Variants in SLC22A9 observed in about 807,000 individuals in gnomAD.
SLC22A9 encodes organic anion transporter 7.
A neutral mutation model predicts 50.1 loss-of-function variants in SLC22A9; 64 were observed. The observed-to-expected ratio is 1.28, with a 90% CI of 1.04 to 1.57. SLC22A9 has a LOEUF of 1.57. Ranked by LOEUF, SLC22A9 falls within the 40% of genes most tolerant of loss-of-function variation. The pLI, the probability that SLC22A9 is intolerant of heterozygous loss-of-function variation, is 0.00. For missense variants in SLC22A9, 757 were observed against 676.1 expected (o/e 1.12, Z -1.33); for synonymous variants, 261 against 242.5 (o/e 1.08, Z -0.71).
At chr11:63,406,763 G>A (rs1391866091) in intron 7 of SLC22A9, 52 bp downstream of exon 7, 9 of 1,569,842 alleles carry the variant, frequency 5.7e-6, no homozygotes, top group South Asian at 1.2e-5. Context: ...TCTTTTCTCA[G>A]GGATTGTACT....
intron 6 of SLC22A9, among the ~76,000 whole-genome samples, chr11:63,384,003 C>T (rs192175613): frequency 1.4e-3 from 208 of 150,106 alleles, no homozygotes; most frequent in African/African-American, 5.0e-3. Flanking sequence ...GAGCTGAGAT[C>T]GTGCCACTGC....
intron 6 of SLC22A9, among the ~76,000 whole-genome samples, chr11:63,386,935 G>A (rs1386821299): frequency 6.6e-6 from 1 of 151,798 alleles, no homozygotes; most frequent in Non-Finnish European, 1.5e-5. Context: ...TCTTCTGCTA[G>A]CTTTGGGGTT....
chr11:63,390,041 A>G (rs1424264008), intron 6 of SLC22A9, among the ~76,000 whole-genome samples: 1 of 151,932 alleles, frequency 6.6e-6, no homozygotes, highest in Non-Finnish European at 1.5e-5. Context: ...TTTCTGGTAA[A>G]TTTGTTTAAG....
intron 2 of SLC22A9, among the ~76,000 whole-genome samples, chr11:63,371,729 T>C (rs2014363299): frequency 6.6e-6 from 1 of 152,116 alleles, no homozygotes; most frequent in Non-Finnish European, 1.5e-5. Context: ...TGTTGAAAAA[T>C]TATGTGTAGA....
At chr11:63,392,515 T>TC (rs1186107118) in intron 6 of SLC22A9, among the ~76,000 whole-genome samples, 2 of 152,104 alleles carry the variant, frequency 1.3e-5, no homozygotes, top group East Asian at 3.9e-4. Flanking sequence ...GGTTTTTTTT[T>TC]CCCCCTTCAG....
intron 2 of SLC22A9, among the ~76,000 whole-genome samples, chr11:63,372,884 C>T (rs1215590097): frequency 6.6e-6 from 1 of 151,988 alleles, no homozygotes; most frequent in Non-Finnish European, 1.5e-5. Context: ...TTATGGATTC[C>T]TTAAAATTTC....
chr11:63,388,902 G>A (rs1468923577), intron 6 of SLC22A9, among the ~76,000 whole-genome samples: 1 of 151,790 alleles, frequency 6.6e-6, no homozygotes, highest in Non-Finnish European at 1.5e-5. Flanking sequence ...TTCAACCTTG[G>A]TATGCTATTC....
chr11:63,370,403 G>C lies in SLC22A9; in HGVS notation c.347G>C (p.Cys116Ser). The C allele has an allele frequency of 6.2e-7, 1 of 1,612,192 alleles. No individual in the cohort carries two copies. Among genetic ancestry groups the C allele is most frequent in the South Asian group, 1.1e-5 (1 of 90,700 alleles). ...ACAAGTGACGCAGACATGGAGCCCT[G>C]TGTGGATGGCTGGGTGTATGACAGA... ...PNTSDADMEPCVDGWVYDRIS... is the reference protein window; with the variant it reads ...PNTSDADMEPSVDGWVYDRIS... Residue 116 changes from cysteine to serine, a missense_variant, in exon 1 of 10, where the codon TGT becomes TCT. Transcript: ENST00000279178.
At chr11:63,383,650 G>T (rs1388379990) in intron 6 of SLC22A9, among the ~76,000 whole-genome samples, 1 of 151,908 alleles carries the variant, frequency 6.6e-6, no homozygotes, top group South Asian at 2.1e-4. Context: ...TGACTCAAAA[G>T]GGAACAAAAA....
At chr11:63,376,191 A>T (rs577160756) in intron 5 of SLC22A9, among the ~76,000 whole-genome samples, 1 of 152,270 alleles carries the variant, frequency 6.6e-6, no homozygotes, top group African/African-American at 2.4e-5. Flanking sequence ...TGTTCATTCA[A>T]TCATACATTC....
chr11:63,389,275 A>ATCTAGG lies in SLC22A9; in HGVS notation c.1073+7000_1073+7005dup, dbSNP rs539720489. On this transcript the variant is annotated intron_variant, in intron 6 of 9. Transcript: ENST00000279178. ...GGTTTGCTGCACCTATCAACCCGTC[A>ATCTAGG]TCTAGGTTTTAAGCCCCACATGCAT... 6.1e-3 allele frequency among the ~76,000 whole-genome samples: 923 copies of ATCTAGG among 151,974 alleles called. 10 individuals are homozygous for ATCTAGG. The highest frequency in any genetic ancestry group is 0.02 in the African/African-American group (844 of 41,410).
intron 6 of SLC22A9, among the ~76,000 whole-genome samples, chr11:63,394,879 G>A (rs4085831): frequency 0.5 from 75,504 of 151,770 alleles, 20,663 homozygotes; most frequent in Non-Finnish European, 0.63. Flanking sequence ...AGGTTTGGTC[G>A]TTTAGCATAA....
intron 6 of SLC22A9, among the ~76,000 whole-genome samples, chr11:63,402,596 A>T (rs886617780): frequency 6.6e-6 from 1 of 151,718 alleles, no homozygotes; most frequent in Non-Finnish European, 1.5e-5. Context: ...TGGCTATTTG[A>T]GCTCCACTGT....
intron 5 of SLC22A9, among the ~76,000 whole-genome samples, chr11:63,381,249 T>A (rs2014555457): frequency 1.3e-5 from 2 of 152,098 alleles, no homozygotes; most frequent in Admixed American, 6.6e-5. Context: ...ATACATCTCC[T>A]CTGCCCAGAT....
At position 63,370,152 on chromosome 11, in the gene SLC22A9, C is replaced by T. The variant is rs774855765; in HGVS notation, c.96C>T (p.Tyr32=). 1 of 1,613,924 alleles carries T rather than the reference C, an allele frequency of 6.2e-7. No homozygotes were observed. The highest frequency in any genetic ancestry group is 8.5e-7 in the Non-Finnish European group (1 of 1,179,948). Reference sequence around the variant, plus strand: ...TCTCAATCTTTGCTGTTGCTACATACCTTCATTTTATGCTGGAGAACTTCA... The same window carrying T: ...TCTCAATCTTTGCTGTTGCTACATATCTTCATTTTATGCTGGAGAACTTCA... ...VFLSIFAVAT[Y]LHFMLENFTA... Residue 32 remains tyrosine, a synonymous_variant, in exon 1 of 10, where the codon TAC becomes TAT. Transcript: ENST00000279178.
Position 63,406,276 on chromosome 11 carries a change from C to A in SLC22A9, c.1074-221C>A, listed in dbSNP as rs528829806. ...ACATATTTAAGCATCTAACTTCCAG[C>A]CTCTTCTCTAGTATTAATAACTTCT... On this transcript the variant is annotated intron_variant, in intron 6 of 9. Coordinates refer to ENST00000279178, the MANE Select transcript of SLC22A9 (RefSeq NM_080866.3). Among the ~76,000 whole-genome samples, 11 of 152,262 alleles carry A rather than the reference C, an allele frequency of 7.2e-5. No individual in the cohort carries two copies. The South Asian group carries it at 1.7e-3, about 23-fold the overall frequency.
intron 5 of SLC22A9, among the ~76,000 whole-genome samples, chr11:63,380,662 C>A (rs978093188): frequency 2.0e-5 from 3 of 152,030 alleles, no homozygotes; most frequent in Non-Finnish European, 4.4e-5. Flanking sequence ...TACATACACA[C>A]AAACAAGAGA....
intron 5 of SLC22A9, among the ~76,000 whole-genome samples, chr11:63,380,964 A>T (rs750956913): frequency 1.6e-4 from 24 of 152,196 alleles, no homozygotes; most frequent in Non-Finnish European, 8.8e-5. Context: ...TCCCAGGGAA[A>T]AAAAGAGAGC....
At chr11:63,409,036 C>A (rs980685928) in intron 9 of SLC22A9, among the ~76,000 whole-genome samples, 157 bp downstream of exon 9, 1 of 152,160 alleles carries the variant, frequency 6.6e-6, no homozygotes, top group East Asian at 1.9e-4. Context: ...CAGCCACATG[C>A]CTTCCCACAG....
Sources: gnomAD v4.1 joint callset for allele counts (sites outside exome capture counted in the v4.1 genomes callset) on GRCh38, gnomAD v4.1.1 for gene constraint, MANE v1.5 for transcripts, NCBI Gene and HGNC (gene_info 2026-07-23, HGNC 2026-07-21) for gene names.